Variants in GALNT6 observed in about 807,000 individuals in gnomAD.
GALNT6 encodes the protein GalNAc transferase 6.
GALNT6 carries 51 observed loss-of-function variants against 65.9 expected under a neutral mutation model. The observed-to-expected ratio is 0.77, with a 90% CI of 0.62 to 0.98. The LOEUF (loss-of-function observed/expected upper bound fraction) is 0.98. Ranked by LOEUF, GALNT6 falls within the 50% of genes least tolerant of loss-of-function variation. The pLI is 0.00. For missense variants in GALNT6, 708 were observed against 803.3 expected (o/e 0.88, Z 1.43); for synonymous variants, 323 against 315.1 (o/e 1.02, Z -0.26).
chr12:51,379,835 C>T lies in GALNT6; in HGVS notation c.-54G>A. ...CGTCAGCTCTGAGTCCTGAGCCCAA[C>T]CCTGGAGATAGCTTGATACGTTGTG... On this transcript the variant is annotated 5_prime_UTR_variant, in exon 3 of 12. Transcript: ENST00000356317. 6.6e-7 allele frequency: 1 copy of T among 1,524,346 alleles called. No homozygotes were observed. The highest frequency in any genetic ancestry group is 2.3e-5 in the East Asian group (1 of 42,950). The allele number at this position is 1,524,346 out of a possible 1,614,324, so 94.4% of individuals were successfully genotyped here. A position where few individuals can be genotyped will look rare whatever the true frequency, so the allele number is the denominator to read the frequency against.
intron 2 of GALNT6, among the ~76,000 whole-genome samples, chr12:51,381,880 C>T (rs1188991383): frequency 1.3e-5 from 2 of 152,246 alleles, no homozygotes; most frequent in Admixed American, 6.5e-5. Context: ...GGCCCTTGGC[C>T]AAAGCCACGT....
chr12:51,359,800 C>T (rs1187683014), intron 7 of GALNT6: 1 of 152,596 alleles, frequency 6.6e-6, no homozygotes, highest in East Asian at 1.9e-4. Context: ...ACACTGGCTG[C>T]CTAGGAAGGT....
Position 51,385,762 on chromosome 12 carries a change from GC to G in GALNT6, c.-104+5087del, listed in dbSNP as rs1409205199. Among the ~76,000 whole-genome samples, 4 of 56,030 alleles carry G rather than the reference GC, an allele frequency of 7.1e-5. No homozygotes were observed. In the East Asian group the frequency reaches 2.1e-3, roughly 29 times the overall value. The allele number at this position is 56,030 out of a possible 152,430, so 36.8% of individuals were successfully genotyped here. The stretch of plus-strand genomic sequence containing the variant: ...GTTTATGGACTCCTGGACCAGAGAG[GC>G]CATGCCATTTCCAGCTTTTTATCAC... On this transcript the variant is annotated intron_variant, in intron 2 of 11. Transcript: ENST00000356317.
chr12:51,360,962 G>T lies in GALNT6; in HGVS notation c.1050-124C>A, dbSNP rs1256097243. 10 of 629,082 alleles carry T rather than the reference G, an allele frequency of 1.6e-5. No homozygotes were observed. The East Asian group carries it at 2.5e-4, about 16-fold the overall frequency. The allele number at this position is 629,082 out of a possible 1,614,324, so 39.0% of individuals were successfully genotyped here. ...CCCCTCCTTTCCTCTTTCTCAGGAC[G>T]TGCAGCCCCTCATCCACTAACTCAC... On this transcript the variant is annotated intron_variant, in intron 6 of 11. Transcript: ENST00000356317.
chr12:51,374,979 G>A (rs184428708), intron 4 of GALNT6, among the ~76,000 whole-genome samples: 72 of 152,002 alleles, frequency 4.7e-4, no homozygotes, highest in African/African-American at 1.7e-3. Context: ...TTGAGACAGG[G>A]TCATGCTCTG....
chr12:51,390,684 G>A (rs985839838), intron 2 of GALNT6, among the ~76,000 whole-genome samples, 166 bp downstream of exon 2: 5 of 151,290 alleles, frequency 3.3e-5, no homozygotes, highest in African/African-American at 4.9e-5. Context: ...CTCACCCAGT[G>A]CCTGTAAATT....
intron 2 of GALNT6, among the ~76,000 whole-genome samples, chr12:51,384,130 A>G (rs1398761363): frequency 2.0e-5 from 3 of 151,762 alleles, no homozygotes; most frequent in African/African-American, 4.8e-5. Context: ...TCCTCCAGCT[A>G]CCCTTGGGCC....
At chr12:51,359,998 A>T (rs1455195648) in intron 7 of GALNT6, 1 of 152,250 alleles carries the variant, frequency 6.6e-6, no homozygotes, top group Non-Finnish European at 1.5e-5. Flanking sequence ...AGAAATACAT[A>T]ATCGTTATAG....
intron 9 of GALNT6, 24 bp from the exon 10 acceptor site, chr12:51,357,474 G>A (rs757321498): frequency 1.3e-6 from 2 of 1,565,238 alleles, no homozygotes; most frequent in East Asian, 2.2e-5. Flanking sequence ...AGCAGAGAGG[G>A]GAAGCAGGAT....
At chr12:51,367,582 T>G (rs1947150927) in intron 4 of GALNT6, among the ~76,000 whole-genome samples, 1 of 152,238 alleles carries the variant, frequency 6.6e-6, no homozygotes, top group Non-Finnish European at 1.5e-5. Context: ...TTGCCTGCAG[T>G]TTCAGATGTG....
Position 51,354,458 on chromosome 12 carries a change from C to T in GALNT6, c.1790G>A (p.Cys597Tyr). The T allele has an allele frequency of 6.3e-7, 1 of 1,596,372 alleles. No homozygotes were observed. The highest frequency in any genetic ancestry group is 8.5e-7 in the Non-Finnish European group (1 of 1,172,886). ...QLIRNSGSGTCLTSQDKKPAM... is the reference protein window; with the variant it reads ...QLIRNSGSGTYLTSQDKKPAM... ...TGGCTTTTTGTCCTGGGATGTCAGGCAGGTACCAGATCCTGAGTTCCTGAT... is the reference window on the plus strand; with the variant it reads ...TGGCTTTTTGTCCTGGGATGTCAGGTAGGTACCAGATCCTGAGTTCCTGAT... Residue 597 changes from cysteine (C) to tyrosine (Y), a missense_variant, in exon 12 of 12, where the codon TGC becomes TAC. Coordinates refer to ENST00000356317, the MANE Select transcript of GALNT6 (RefSeq NM_007210.4).
chr12:51,364,088 C>G (rs914355606), intron 6 of GALNT6, 33 bp downstream of exon 6: 1 of 1,475,588 alleles, frequency 6.8e-7, no homozygotes, highest in East Asian at 2.3e-5. Context: ...GGACTGGGGC[C>G]AGGTTGGGGG....
At position 51,379,801 on chromosome 12, in the gene GALNT6, C is replaced by T. The variant is rs763756199; in HGVS notation, c.-20G>A. The T allele has an allele frequency of 1.3e-6, 2 of 1,586,818 alleles. No homozygotes were observed. Among genetic ancestry groups the T allele is most frequent in the South Asian group, 1.1e-5 (1 of 89,590 alleles). ...CCTCATCCTCCAGAACCAAGGGGCA[C>T]CCCAGCTGCGTCAGCTCTGAGTCCT... is the stretch of plus-strand genomic sequence containing the variant. On this transcript the variant is annotated 5_prime_UTR_variant, in exon 3 of 12. The change creates a new upstream start codon in the 5' untranslated region. Coordinates refer to ENST00000356317, the MANE Select transcript of GALNT6 (RefSeq NM_007210.4).
intron 4 of GALNT6, among the ~76,000 whole-genome samples, chr12:51,366,316 C>A (rs1947105005): frequency 6.6e-6 from 1 of 152,194 alleles, no homozygotes. Flanking sequence ...AGCTCCATTG[C>A]ACGGTTGTTT....
At chr12:51,381,386 G>A (rs1947667994) in intron 2 of GALNT6, among the ~76,000 whole-genome samples, 1 of 152,230 alleles carries the variant, frequency 6.6e-6, no homozygotes, top group African/African-American at 2.4e-5. Flanking sequence ...GTGGATCCAT[G>A]CCCTAGAGGA....
chr12:51,389,116 C>A (rs751706607), intron 2 of GALNT6, among the ~76,000 whole-genome samples: 6 of 152,314 alleles, frequency 3.9e-5, no homozygotes, highest in Middle Eastern at 6.8e-3. Flanking sequence ...TTCAAATCCT[C>A]ACTCTCGTTC....
Position 51,384,645 on chromosome 12 carries a change from T to C in GALNT6, c.-103-4761A>G, listed in dbSNP as rs1285187568. 5.4e-5 allele frequency among the ~76,000 whole-genome samples: 7 copies of C among 130,352 alleles called. No individual in the cohort carries two copies. The South Asian group carries it at 1.7e-3, about 31-fold the overall frequency. The allele number at this position is 130,352 out of a possible 152,430, so 85.5% of individuals were successfully genotyped here. A position where few individuals can be genotyped will look rare whatever the true frequency, so the allele number is the denominator to read the frequency against. On this transcript the variant is annotated intron_variant, in intron 2 of 11. Coordinates refer to ENST00000356317, the MANE Select transcript of GALNT6 (RefSeq NM_007210.4). ...AGCTGGAGGTTGCAGTAAGCAGAAATAGCACCACCGTACTCCAGCCTGGGT... is the reference window on the plus strand; with the variant it reads ...AGCTGGAGGTTGCAGTAAGCAGAAACAGCACCACCGTACTCCAGCCTGGGT...
intron 2 of GALNT6, among the ~76,000 whole-genome samples, chr12:51,384,557 T>C (rs1026318450): frequency 1.3e-5 from 2 of 151,948 alleles, no homozygotes; most frequent in African/African-American, 4.8e-5. Context: ...CCAGGCATGG[T>C]GGCATGTGCC....
chr12:51,381,665 C>A (rs1226540221), intron 2 of GALNT6, among the ~76,000 whole-genome samples: 1 of 152,196 alleles, frequency 6.6e-6, no homozygotes, highest in Non-Finnish European at 1.5e-5. Context: ...TTTACTTAAT[C>A]CCTCTAAGCC....
Sources: allele counts gnomAD v4.1 joint callset (sites outside exome capture counted in the v4.1 genomes callset), GRCh38; gene constraint gnomAD v4.1.1; transcripts MANE v1.5; gene names NCBI Gene and HGNC (gene_info 2026-07-23, HGNC 2026-07-21).